Variants in CDH12 observed in about 807,000 individuals in gnomAD.
CDH12 encodes cadherin-12.
Under a neutral mutation model 74.1 loss-of-function variants are expected in CDH12, and 41 were observed. The ratio of observed to expected loss-of-function variants is 0.55; its 90% CI spans 0.43 to 0.72. The LOEUF is 0.72. Among genes scored for constraint, CDH12 ranks in the 30% least tolerant of loss-of-function variants. The pLI is 0.00. For missense variants in CDH12, 945 were observed against 977.2 expected, an observed-to-expected ratio of 0.97 and a Z score of 0.44; for synonymous variants, 399 against 355.0, an observed-to-expected ratio of 1.12 and a Z score of -1.39.
In CDH12 at chr5:22,643,101, C is replaced by T. The variant is rs540991184; in HGVS notation, c.-522-137737G>A. The stretch of plus-strand genomic sequence containing the variant: ...AAGGTCACAGAGATACCTGACTCTC[C>T]TAGCATTAAAATAAAAAGTGCAAGC... On this transcript the variant is annotated intron_variant, in intron 1 of 14. Transcript: ENST00000382254. 3.9e-5 allele frequency among the ~76,000 whole-genome samples: 6 copies of T among 152,208 alleles called. No homozygotes were observed. The East Asian group carries it at 9.7e-4, about 25-fold the overall frequency.
intron 1 of CDH12, among the ~76,000 whole-genome samples, chr5:22,527,637 A>G (rs1227407735): frequency 1.3e-5 from 2 of 152,102 alleles, no homozygotes; most frequent in East Asian, 1.9e-4. Context: ...TCCCTTCACA[A>G]ATTTATTTGT....
chr5:22,850,272 T>C (rs564410271), intron 1 of CDH12, among the ~76,000 whole-genome samples: 3 of 152,094 alleles, frequency 2.0e-5, no homozygotes, highest in Admixed American at 1.3e-4. Context: ...CACACACACA[T>C]TTTCCTTTTA....
At chr5:21,882,493 T>G (rs1379271690) in intron 6 of CDH12, 4 of 715,646 alleles carry the variant, frequency 5.6e-6, no homozygotes, top group Non-Finnish European at 1.0e-5. Flanking sequence ...CCACATTTAT[T>G]TGCTTTTTAA....
chr5:22,371,496 T>C (rs922620605), intron 3 of CDH12, among the ~76,000 whole-genome samples: 5 of 152,174 alleles, frequency 3.3e-5, no homozygotes, highest in Non-Finnish European at 7.4e-5. Flanking sequence ...TTTGAGATGT[T>C]ATTTTCCAAA....
At chr5:22,260,539 T>C (rs1377869342) in intron 3 of CDH12, among the ~76,000 whole-genome samples, 1 of 152,022 alleles carries the variant, frequency 6.6e-6, no homozygotes, top group Non-Finnish European at 1.5e-5. Flanking sequence ...TGAGAAGAGA[T>C]ACATGGAATA....
At chr5:22,164,331 C>T (rs927891556) in intron 4 of CDH12, among the ~76,000 whole-genome samples, 1 of 152,312 alleles carries the variant, frequency 6.6e-6, no homozygotes, top group East Asian at 1.9e-4. Context: ...TAGTGTTCAG[C>T]TCAATTAGGA....
intron 2 of CDH12, among the ~76,000 whole-genome samples, chr5:22,475,048 G>C (rs553390157): frequency 1.3e-5 from 2 of 150,638 alleles, no homozygotes; most frequent in African/African-American, 4.9e-5. Context: ...TTGACTAGAG[G>C]GGGTGTTTGC....
At chr5:21,985,432 A>G (rs1757473947) in intron 5 of CDH12, among the ~76,000 whole-genome samples, 1 of 152,156 alleles carries the variant, frequency 6.6e-6, no homozygotes, top group Non-Finnish European at 1.5e-5. Context: ...TTTCTTGTAC[A>G]GGATACTCTC....
intron 5 of CDH12, among the ~76,000 whole-genome samples, chr5:22,058,493 T>A (rs1304444302): frequency 6.6e-6 from 1 of 152,004 alleles, no homozygotes; most frequent in African/African-American, 2.4e-5. Flanking sequence ...ATATTGAAAA[T>A]TTTTTGGAAA....
chr5:22,574,675 T>TA (rs1384064412), intron 1 of CDH12, among the ~76,000 whole-genome samples: 1 of 152,206 alleles, frequency 6.6e-6, no homozygotes, highest in Admixed American at 6.5e-5. Flanking sequence ...CTTAGGTTCC[T>TA]ACGCTTGCCT....
At chr5:21,867,214 G>A (rs1186638782) in intron 6 of CDH12, among the ~76,000 whole-genome samples, 1 of 152,164 alleles carries the variant, frequency 6.6e-6, no homozygotes. Context: ...AATTAGCCAG[G>A]TGTGGAGGTG....
intron 1 of CDH12, among the ~76,000 whole-genome samples, chr5:22,850,816 A>G (rs1006271527): frequency 6.6e-6 from 1 of 152,090 alleles, no homozygotes; most frequent in Non-Finnish European, 1.5e-5. Context: ...ACATGAAAAC[A>G]TGGCTCACTT....
At chr5:22,387,444 A>G (rs1580594809) in intron 3 of CDH12, among the ~76,000 whole-genome samples, 1 of 152,240 alleles carries the variant, frequency 6.6e-6, no homozygotes, top group African/African-American at 2.4e-5. Flanking sequence ...GGTGTCTTTT[A>G]GACCAAACCT....
intron 4 of CDH12, among the ~76,000 whole-genome samples, chr5:22,096,726 T>A (rs1743804525): frequency 6.6e-6 from 1 of 152,152 alleles, no homozygotes; most frequent in Non-Finnish European, 1.5e-5. Context: ...GTGTTTAGGC[T>A]CTTTTTCATC....
At chr5:21,998,414 G>A (rs1229160918) in intron 5 of CDH12, among the ~76,000 whole-genome samples, 1 of 152,068 alleles carries the variant, frequency 6.6e-6, no homozygotes, top group African/African-American at 2.4e-5. Context: ...ATCATGTGTA[G>A]TTTTATCTAT....
intron 3 of CDH12, among the ~76,000 whole-genome samples, chr5:22,316,448 A>AT (rs1266144681): frequency 2.6e-5 from 4 of 152,158 alleles, no homozygotes; most frequent in Non-Finnish European, 5.9e-5. Flanking sequence ...TATAATGCCA[A>AT]TATTATTTTA....
intron 3 of CDH12, among the ~76,000 whole-genome samples, chr5:22,390,197 A>G (rs1316546410): frequency 1.3e-5 from 2 of 152,184 alleles, no homozygotes; most frequent in African/African-American, 2.4e-5. Context: ...TGTGCTTATT[A>G]TGAGAGTAGG....
At chr5:21,919,969 C>G (rs1453583727) in intron 6 of CDH12, among the ~76,000 whole-genome samples, 2 of 151,874 alleles carry the variant, frequency 1.3e-5, no homozygotes, top group Non-Finnish European at 2.9e-5. Flanking sequence ...ATCTTCATGC[C>G]TATTTTGTAA....
chr5:22,748,235 T>C lies in CDH12; in HGVS notation c.-523+104823A>G, dbSNP rs577137460. Among the ~76,000 whole-genome samples, 45 of 152,332 alleles carry C rather than the reference T, an allele frequency of 3.0e-4. 1 individual carries two copies. The highest frequency in any genetic ancestry group is 9.6e-4 in the African/African-American group (40 of 41,578). On this transcript the variant is annotated intron_variant, in intron 1 of 14. Transcript: ENST00000382254. ...CAACTGAATAAATTGACTTTTAGTG[T>C]CACACTGTTTTAAGTGAAATATAGG... is the stretch of plus-strand genomic sequence containing the variant.
Sources: gnomAD v4.1 joint callset for allele counts (sites outside exome capture counted in the v4.1 genomes callset) on GRCh38, gnomAD v4.1.1 for gene constraint, MANE v1.5 for transcripts, NCBI Gene and HGNC (gene_info 2026-07-23, HGNC 2026-07-21) for gene names.